Variants in LMBR1 observed in about 807,000 individuals in gnomAD.
The protein encoded by LMBR1 is limb region 1 protein homolog.
A neutral mutation model predicts 73.9 loss-of-function variants in LMBR1; 52 were observed. The observed-to-expected ratio is 0.70, with a 90% CI of 0.56 to 0.89. LMBR1 has a LOEUF of 0.89. Among genes scored for constraint, LMBR1 ranks in the 40% least tolerant of loss-of-function variants. LMBR1 has a pLI of 0.00. For synonymous variants in LMBR1, 215 were observed against 209.4 expected (o/e 1.03, Z -0.23); for missense variants, 539 against 579.8 (o/e 0.93, Z 0.72).
At chr7:156,740,048 G>A (rs1328453799) in intron 9 of LMBR1, among the ~76,000 whole-genome samples, 1 of 152,002 alleles carries the variant, frequency 6.6e-6, no homozygotes, top group Non-Finnish European at 1.5e-5. Context: ...TTAACAAAGA[G>A]ATTGAAATAA....
intron 4 of LMBR1, among the ~76,000 whole-genome samples, chr7:156,801,591 G>A (rs1331890612): frequency 1.3e-5 from 2 of 152,126 alleles, no homozygotes; most frequent in African/African-American, 4.8e-5. Context: ...TGAGACAGTG[G>A]TGTGATCATG....
At position 156,724,155 on chromosome 7, in the gene LMBR1, G is replaced by C. The variant is rs376693224; in HGVS notation, c.1182C>G (p.Ile394Met). Residue 394 changes from isoleucine to methionine, a missense_variant, in exon 15 of 17, where the codon ATC becomes ATG. Physicochemically the swap from Ile to Met is conservative, Grantham distance 10. This residue lies in a region of LMBR1 where 454 missense variants were observed against 473.4 expected (regional missense o/e 0.96). Coordinates refer to ENST00000353442, the MANE Select transcript of LMBR1 (RefSeq NM_022458.4). ...MTKIIGNCVS[I>M]LVLSSALPVM... ...CAGGCAGAGCAGAGCTCAAAACCAA[G>C]ATGGACACACAATTTCCAATGATCT... 6.2e-7 allele frequency: 1 copy of C among 1,610,582 alleles called. No individual in the cohort carries two copies. Among genetic ancestry groups the C allele is most frequent in the Non-Finnish European group, 8.5e-7 (1 of 1,178,194 alleles).
intron 15 of LMBR1, among the ~76,000 whole-genome samples, chr7:156,697,377 G>A (rs1217855709): frequency 1.3e-5 from 2 of 152,154 alleles, no homozygotes; most frequent in African/African-American, 2.4e-5. Context: ...CAGAAAACAG[G>A]GTTCGAGAGC....
intron 3 of LMBR1, among the ~76,000 whole-genome samples, chr7:156,829,231 CTTTG>C (rs986293440): frequency 4.0e-4 from 61 of 152,284 alleles, no homozygotes; most frequent in African/African-American, 1.4e-3. Flanking sequence ...ACTAAGAATT[CTTTG>C]TTTGAGCGTT....
rs548234174 is a variant in LMBR1, at chr7:156,779,546, T to C, written c.424-15751A>G. On this transcript the variant is annotated intron_variant, in intron 5 of 16. Transcript: ENST00000353442. ...TAGATTTAAATGGGAACTAAATGGA[T>C]AGTCTACTACACTCAAATGGTTATG... 9 of 300,800 alleles carry C rather than the reference T, an allele frequency of 3.0e-5. No individual in the cohort carries two copies. In the South Asian group the frequency reaches 3.6e-4, roughly 12 times the overall value. The allele number at this position is 300,800 out of a possible 1,614,324, so 18.6% of individuals were successfully genotyped here.
At chr7:156,854,832 T>C (rs1052461207) in intron 1 of LMBR1, among the ~76,000 whole-genome samples, 1 of 152,178 alleles carries the variant, frequency 6.6e-6, no homozygotes. Flanking sequence ...CAAATTCTAT[T>C]TAAGAAGTAG....
At chr7:156,745,498 C>A (rs1463225809) in intron 9 of LMBR1, among the ~76,000 whole-genome samples, 1 of 152,140 alleles carries the variant, frequency 6.6e-6, no homozygotes, top group Non-Finnish European at 1.5e-5. Context: ...GACCAACTGG[C>A]CAGAAAAACT....
chr7:156,889,070 G>C (rs1473313572), intron 1 of LMBR1, among the ~76,000 whole-genome samples: 1 of 151,580 alleles, frequency 6.6e-6, no homozygotes, highest in Non-Finnish European at 1.5e-5. Flanking sequence ...AAAAAAGAAA[G>C]AAAAAGAAAT....
At chr7:156,816,607 C>A (rs753146491) in intron 4 of LMBR1, among the ~76,000 whole-genome samples, 1 of 151,850 alleles carries the variant, frequency 6.6e-6, no homozygotes, top group Non-Finnish European at 1.5e-5. Flanking sequence ...GTTTATTAGC[C>A]AGAATAAATA....
At chr7:156,773,748 C>T (rs1825625696) in intron 5 of LMBR1, among the ~76,000 whole-genome samples, 1 of 151,954 alleles carries the variant, frequency 6.6e-6, no homozygotes, top group Admixed American at 6.6e-5. Context: ...GTTAAAAACC[C>T]TGGAAAAAAA....
At chr7:156,837,195 A>G (rs1837795666) in intron 1 of LMBR1, among the ~76,000 whole-genome samples, 2 of 151,758 alleles carry the variant, frequency 1.3e-5, no homozygotes, top group South Asian at 4.2e-4. Context: ...TTAGCAGGGC[A>G]TGGTGGCGGT....
intron 4 of LMBR1, among the ~76,000 whole-genome samples, chr7:156,808,017 A>G (rs1342713175): frequency 2.0e-5 from 3 of 152,034 alleles, no homozygotes; most frequent in Non-Finnish European, 4.4e-5. Context: ...ATGTATTGAG[A>G]CTTATTTTAT....
chr7:156,856,860 T>C (rs1283884551), intron 1 of LMBR1, among the ~76,000 whole-genome samples: 2 of 151,478 alleles, frequency 1.3e-5, no homozygotes, highest in Non-Finnish European at 2.9e-5. Context: ...TCTAGATAAG[T>C]GAAATGAATG....
At chr7:156,805,298 C>T (rs909882336) in intron 4 of LMBR1, among the ~76,000 whole-genome samples, 1 of 149,836 alleles carries the variant, frequency 6.7e-6, no homozygotes, top group African/African-American at 2.5e-5. Context: ...CTCACTGCAA[C>T]CTCCGCCTCC....
At chr7:156,717,514 G>A (rs7785147) in intron 15 of LMBR1, among the ~76,000 whole-genome samples, 8,273 of 152,038 alleles carry the variant, frequency 0.054, 293 homozygotes, top group East Asian at 0.15. Context: ...AAAGAGAGGA[G>A]CAGTGACCAG....
intron 5 of LMBR1, among the ~76,000 whole-genome samples, chr7:156,765,456 T>A (rs575969175): frequency 6.6e-6 from 1 of 152,224 alleles, no homozygotes; most frequent in Non-Finnish European, 1.5e-5. Context: ...CATGTGGAAC[T>A]GAGAGTGAAT....
downstream of LMBR1, among the ~76,000 whole-genome samples, chr7:156,674,600 C>T (rs986179257): frequency 2.6e-5 from 4 of 152,094 alleles, no homozygotes; most frequent in African/African-American, 4.8e-5. Context: ...GGCTTGAGCC[C>T]GGGAGGCCGA....
At chr7:156,884,493 C>T (rs1801579376) in intron 1 of LMBR1, among the ~76,000 whole-genome samples, 1 of 152,132 alleles carries the variant, frequency 6.6e-6, no homozygotes, top group African/African-American at 2.4e-5. Context: ...ACAGCTTTAG[C>T]TTTATTCCAG....
chr7:156,892,094 A>C (rs529845192), intron 1 of LMBR1, among the ~76,000 whole-genome samples: 1 of 152,370 alleles, frequency 6.6e-6, no homozygotes, highest in African/African-American at 2.4e-5. Context: ...AAAACATCAA[A>C]GTAGACTTTC....
Sources: gnomAD v4.1 joint callset for allele counts (sites outside exome capture counted in the v4.1 genomes callset) on GRCh38, gnomAD v4.1.1 for gene constraint, gnomAD v4.1.1 regional missense constraint, MANE v1.5 for transcripts, NCBI Gene and HGNC (gene_info 2026-07-23, HGNC 2026-07-21) for gene names.